RNF19A: variants seen among roughly 807,000 people sequenced by gnomAD.
The protein encoded by RNF19A is E3 ubiquitin-protein ligase RNF19A.
A neutral mutation model predicts 75.7 loss-of-function variants in RNF19A; 32 were observed. The observed-to-expected ratio is 0.42, with a 90% CI of 0.32 to 0.57. RNF19A has a LOEUF of 0.57. RNF19A is among the 20% of genes least tolerant of loss of function. The probability of loss-of-function intolerance (pLI) is 0.10; values close to 1 mark genes in which losing one functional copy is unlikely to be tolerated. For missense variants in RNF19A, 782 were observed against 1,036.3 expected (o/e 0.75, Z 3.37); for synonymous variants, 335 against 345.2 (o/e 0.97, Z 0.33).
In RNF19A at chr8:100,309,909, G is replaced by A; in HGVS notation, c.-136C>T. The A allele has an allele frequency of 1.0e-6, 1 of 985,828 alleles. No individual in the cohort carries two copies. Among genetic ancestry groups the A allele is most frequent in the Non-Finnish European group, 1.2e-6 (1 of 830,242 alleles). The allele number at this position is 985,828 out of a possible 1,614,324, so 61.1% of individuals were successfully genotyped here. On this transcript the variant is annotated 5_prime_UTR_variant, in exon 1 of 10. Coordinates refer to ENST00000341084, the MANE Select transcript of RNF19A (RefSeq NM_183419.4). ...GGCGGCAGCGCAGGGTGGCGGGCGA[G>A]TAGGCCCATCTCCCAGCAGCGGCGA...
intron 2 of RNF19A, among the ~76,000 whole-genome samples, chr8:100,276,998 G>T (rs923797239): frequency 6.6e-6 from 1 of 151,662 alleles, no homozygotes; most frequent in Non-Finnish European, 1.5e-5. Flanking sequence ...AGGTACATAC[G>T]ATCTCTGAAT....
intron 5 of RNF19A, among the ~76,000 whole-genome samples, chr8:100,268,231 A>G (rs1156882449): frequency 3.3e-5 from 5 of 152,034 alleles, no homozygotes. Context: ...CAAAAGAACT[A>G]TTTGCTTAGC....
At chr8:100,315,429 T>G (rs913181532) in intron 1 of RNF19A, among the ~76,000 whole-genome samples, 2 of 152,030 alleles carry the variant, frequency 1.3e-5, no homozygotes, top group African/African-American at 4.8e-5. Flanking sequence ...GAATGGGAGC[T>G]TGGGGGCTTT....
chr8:100,309,646 G>A (rs753586387), intron 1 of RNF19A: 25 of 922,102 alleles, frequency 2.7e-5, no homozygotes, highest in Non-Finnish European at 3.2e-5. Context: ...CCGGGTAGGG[G>A]ACCCGGAGCT....
intron 1 of RNF19A, among the ~76,000 whole-genome samples, chr8:100,307,266 G>T (rs1242805272): frequency 6.6e-6 from 1 of 152,160 alleles, no homozygotes; most frequent in Admixed American, 6.5e-5. Context: ...GAAGATATAA[G>T]TGAGCAATTC....
chr8:100,279,334 C>G (rs528719912), intron 2 of RNF19A, among the ~76,000 whole-genome samples: 1 of 152,118 alleles, frequency 6.6e-6, no homozygotes, highest in South Asian at 2.1e-4. Context: ...TCCTGCATTA[C>G]CACGTCAAAC....
intron 1 of RNF19A, among the ~76,000 whole-genome samples, chr8:100,302,046 A>G (rs1361692843): frequency 6.6e-6 from 1 of 152,224 alleles, no homozygotes; most frequent in Non-Finnish European, 1.5e-5. Flanking sequence ...AAAATTAATG[A>G]GCAAGGCAAA....
In RNF19A at chr8:100,258,617, G is replaced by C. The variant is rs1819560868; in HGVS notation, c.2456C>G (p.Thr819Arg). The C allele has an allele frequency of 6.2e-7, 1 of 1,613,830 alleles. No individual in the cohort carries two copies. Among genetic ancestry groups the C allele is most frequent in the East Asian group, 2.2e-5 (1 of 44,874 alleles). ...TGTCTGATGTGAGTGGTTGTTATTT[G>C]TTTCTTTTAGTGCATCGCCAAAATA... ...DLYFGDALKE[T>R]NNNHSHQTME... Residue 819 changes from threonine (T) to arginine (R), a missense_variant, in exon 10 of 10, where the codon ACA becomes AGA. Thr to Arg is a moderately conservative substitution (Grantham distance 71). This residue lies in a region of RNF19A where 442 missense variants were observed against 541.6 expected (regional missense o/e 0.82). Transcript: ENST00000341084. The surrounding 1 kb of genome is among the most constrained non-coding windows in gnomAD (Gnocchi z 4.3).
chr8:100,311,555 A>T (rs1047489897), upstream of RNF19A, among the ~76,000 whole-genome samples: 1 of 151,964 alleles, frequency 6.6e-6, no homozygotes, highest in African/African-American at 2.4e-5. Flanking sequence ...CGTCTCTACT[A>T]AAAATACAAA....
chr8:100,286,774 CATTA>C (rs1046255101), intron 2 of RNF19A, among the ~76,000 whole-genome samples: 3 of 152,184 alleles, frequency 2.0e-5, no homozygotes, highest in Non-Finnish European at 4.4e-5. Flanking sequence ...CTACGTATCA[CATTA>C]ATTGTTTGTG....
intron 1 of RNF19A, among the ~76,000 whole-genome samples, chr8:100,328,369 T>C (rs1019250599): frequency 3.3e-5 from 5 of 152,202 alleles, no homozygotes; most frequent in South Asian, 2.1e-4. Context: ...AAGTGAACTT[T>C]AGTTCATTAT....
upstream of RNF19A, among the ~76,000 whole-genome samples, chr8:100,310,633 C>T (rs1055181618): frequency 6.6e-6 from 1 of 152,220 alleles, no homozygotes; most frequent in South Asian, 2.1e-4. Context: ...ACGGCAGCAC[C>T]CTGTGCGTCT....
intron 2 of RNF19A, among the ~76,000 whole-genome samples, chr8:100,281,943 G>A (rs751733839): frequency 7.9e-5 from 12 of 152,148 alleles, no homozygotes; most frequent in Non-Finnish European, 1.5e-4. Flanking sequence ...ACAAAGGGAG[G>A]TTCATCTCCT....
rs1822581474 is a variant in RNF19A at position 100,329,391 on chromosome 8, AC to A, written c.-243+6716del. Among the ~76,000 whole-genome samples, 1 of 152,212 alleles carries A rather than the reference AC, an allele frequency of 6.6e-6. No homozygotes were observed. The highest frequency in any genetic ancestry group is 2.4e-5 in the African/African-American group (1 of 41,460). ...AAAAAGACTTGGGATTTTAATGTTC[AC>A]AAGCTCAAAATGAGTGAGTTGTGAT... On this transcript the variant is annotated intron_variant, in intron 1 of 3. Coordinates refer to the RNF19A transcript ENST00000519527. This position sits in a 1 kb window ranked among gnomAD's most constrained non-coding sequence, Gnocchi z 4.3.
upstream of RNF19A, chr8:100,313,166 G>T: frequency 6.0e-6 from 1 of 167,048 alleles, no homozygotes; most frequent in Non-Finnish European, 1.2e-5. Context: ...ATTGGGGATG[G>T]GGTGTTTGCC....
At chr8:100,285,789 C>T (rs557204245) in intron 2 of RNF19A, among the ~76,000 whole-genome samples, 7 of 152,116 alleles carry the variant, frequency 4.6e-5, no homozygotes, top group East Asian at 1.9e-4. Context: ...TGAGCCACCA[C>T]GCCCAGTTGT....
At chr8:100,303,407 T>C (rs1432703421) in intron 1 of RNF19A, 4 of 152,238 alleles carry the variant, frequency 2.6e-5, no homozygotes, top group Non-Finnish European at 4.4e-5. Flanking sequence ...GCTACCTGGA[T>C]AATCCAGGAT....
chr8:100,292,441 T>A (rs890420562), intron 1 of RNF19A, among the ~76,000 whole-genome samples: 1 of 150,746 alleles, frequency 6.6e-6, no homozygotes, highest in South Asian at 2.1e-4. Context: ...TATGGGTGTG[T>A]GTGTGTGTGT....
intron 2 of RNF19A, among the ~76,000 whole-genome samples, chr8:100,279,176 T>C (rs1238762556): frequency 1.3e-5 from 2 of 152,160 alleles, no homozygotes; most frequent in African/African-American, 2.4e-5. Flanking sequence ...AATATATTAC[T>C]ATAAAACTTT....
Sources: gnomAD v4.1 joint callset for allele counts (sites outside exome capture counted in the v4.1 genomes callset) on GRCh38, gnomAD v4.1.1 for gene constraint, gnomAD v4.1.1 regional missense constraint, Gnocchi (gnomAD v3.1) non-coding constraint, MANE v1.5 for transcripts, NCBI Gene and HGNC (gene_info 2026-07-23, HGNC 2026-07-21) for gene names.